CACNA1C: variants seen among roughly 807,000 people sequenced by gnomAD.
CACNA1C encodes calcium voltage-gated channel subunit alpha1 C, also known as voltage-dependent L-type calcium channel subunit alpha-1C.
A neutral mutation model predicts 229.0 loss-of-function variants in CACNA1C; 30 were observed. The ratio of observed to expected loss-of-function variants is 0.13; its 90% CI spans 0.10 to 0.18. CACNA1C has a LOEUF of 0.18. Among genes scored for constraint, CACNA1C ranks in the 10% least tolerant of loss-of-function variants. The pLI is 1.00. For synonymous variants in CACNA1C, 1,114 were observed against 1,132.5 expected, an observed-to-expected ratio of 0.98 and a Z score of 0.33; for missense variants, 1,658 against 2,845.0, an observed-to-expected ratio of 0.58 and a Z score of 9.49.
At chr12:2,517,341 C>G (rs2099799182) in intron 9 of CACNA1C, among the ~76,000 whole-genome samples, 1 of 152,236 alleles carries the variant, frequency 6.6e-6, no homozygotes, top group Non-Finnish European at 1.5e-5. Flanking sequence ...GAGACTCACA[C>G]AGACTCTAGC....
At chr12:2,327,702 A>G (rs3819534) in intron 3 of CACNA1C, among the ~76,000 whole-genome samples, 86,624 of 151,774 alleles carry the variant, frequency 0.57, 25,007 homozygotes, top group Non-Finnish European at 0.61. Flanking sequence ...GATGGAGTTG[A>G]GGGTTGATGC....
chr12:2,209,811 C>T (rs2097863037), intron 3 of CACNA1C, among the ~76,000 whole-genome samples: 1 of 152,172 alleles, frequency 6.6e-6, no homozygotes, highest in Non-Finnish European at 1.5e-5. Flanking sequence ...TCCTCAAGAG[C>T]CAAGATCCAT....
chr12:2,046,294 C>T (rs772204070), intron 1 of CACNA1C, among the ~76,000 whole-genome samples: 63 of 152,120 alleles, frequency 4.1e-4, no homozygotes, highest in Non-Finnish European at 2.8e-4. Flanking sequence ...GTGGTTCCTT[C>T]TGGGGGTCAG....
At chr12:2,089,945 C>T (rs903627777) in intron 1 of CACNA1C, among the ~76,000 whole-genome samples, 4 of 152,102 alleles carry the variant, frequency 2.6e-5, no homozygotes, top group South Asian at 2.1e-4. Flanking sequence ...AGGAGAATGG[C>T]GTGAACCCGG....
At chr12:2,571,093 C>A (rs903605856) in intron 13 of CACNA1C, among the ~76,000 whole-genome samples, 2 of 152,212 alleles carry the variant, frequency 1.3e-5, no homozygotes, top group Admixed American at 1.3e-4. Context: ...CAAGTACCTA[C>A]ATGAGGATGA....
chr12:1,984,781 A>C (rs1428433921), intron 1 of CACNA1C, among the ~76,000 whole-genome samples: 1 of 148,892 alleles, frequency 6.7e-6, no homozygotes, highest in African/African-American at 2.4e-5. Context: ...CTTCTGGTAA[A>C]AAAAAAAAAA....
rs560933454 is a variant in CACNA1C, at chr12:2,611,719, G to A, written c.3718-184G>A. Among the ~76,000 whole-genome samples the A allele has an allele frequency of 3.3e-5, 5 of 152,228 alleles. No individual in the cohort carries two copies. In the East Asian group the frequency reaches 9.7e-4, roughly 29 times the overall value. On this transcript the variant is annotated intron_variant, in intron 28 of 46. Transcript: ENST00000399655. ...GATGTGTTCAGAGATGGCAGAGCAG[G>A]GAAGATCTTGGAGGTTCTCCTGAGT...
intron 29 of CACNA1C, among the ~76,000 whole-genome samples, chr12:2,618,374 C>T (rs936182740): frequency 1.2e-4 from 18 of 152,214 alleles, no homozygotes; most frequent in African/African-American, 3.1e-4. Context: ...GGCAAGTGGA[C>T]GGCACACCAA....
intron 1 of CACNA1C, chr12:1,997,849 C>A: frequency 9.3e-7 from 1 of 1,075,708 alleles, no homozygotes; most frequent in Admixed American, 2.4e-5. Flanking sequence ...TGAAATAAAA[C>A]TGCATGCACT....
chr12:2,536,426 G>A (rs2099855522), intron 9 of CACNA1C, among the ~76,000 whole-genome samples: 1 of 152,160 alleles, frequency 6.6e-6, no homozygotes, highest in Admixed American at 6.5e-5. Flanking sequence ...GAGTGAGAAA[G>A]GGAGGCAGCA....
chr12:2,463,887 G>A (rs911611084), intron 5 of CACNA1C, among the ~76,000 whole-genome samples: 16 of 152,204 alleles, frequency 1.1e-4, no homozygotes, highest in African/African-American at 3.9e-4. Context: ...GTGCTGTGGA[G>A]CATGCGTATT....
At chr12:2,085,567 T>C (rs1470723711) in intron 1 of CACNA1C, among the ~76,000 whole-genome samples, 1 of 152,078 alleles carries the variant, frequency 6.6e-6, no homozygotes, top group African/African-American at 2.4e-5. Flanking sequence ...TTGAGTGGGG[T>C]AATTATAAAT....
chr12:2,504,590 C>T lies in CACNA1C; in HGVS notation c.1114-252C>T, dbSNP rs1327834032. 3 of 1,111,446 alleles carry T rather than the reference C, an allele frequency of 2.7e-6. No individual in the cohort carries two copies. Among genetic ancestry groups the T allele is most frequent in the Non-Finnish European group, 4.2e-6 (3 of 722,314 alleles). The allele number at this position is 1,111,446 out of a possible 1,614,324, so 68.8% of individuals were successfully genotyped here. On this transcript the variant is annotated intron_variant, in intron 7 of 46. Coordinates refer to ENST00000399655, the MANE Select transcript of CACNA1C (RefSeq NM_000719.7). This position sits in a 1 kb window ranked among gnomAD's most constrained non-coding sequence, Gnocchi z 6.8. ...TCCACAACGCAGCCGAGCAAGGTCTCAGGTTCCACTCCGTACATGCCCGGG... is the reference window on the plus strand; with the variant it reads ...TCCACAACGCAGCCGAGCAAGGTCTTAGGTTCCACTCCGTACATGCCCGGG...
chr12:2,659,626 G>T (rs1282814259), intron 34 of CACNA1C, among the ~76,000 whole-genome samples: 1 of 152,116 alleles, frequency 6.6e-6, no homozygotes, highest in African/African-American at 2.4e-5. Context: ...TATCTAAAAA[G>T]CTGTATATTA....
intron 9 of CACNA1C, among the ~76,000 whole-genome samples, chr12:2,513,948 G>A (rs542254481): frequency 3.3e-5 from 5 of 152,242 alleles, no homozygotes; most frequent in East Asian, 1.9e-4. Context: ...TCTGTGACTC[G>A]AATCATACTC....
intron 7 of CACNA1C, among the ~76,000 whole-genome samples, chr12:2,495,679 C>G (rs925080775): frequency 1.3e-5 from 2 of 152,200 alleles, no homozygotes; most frequent in African/African-American, 4.8e-5. Context: ...TGATAGTGCT[C>G]AGGCTGGGAA....
At chr12:2,236,770 C>T (rs532009583) in intron 3 of CACNA1C, among the ~76,000 whole-genome samples, 8 of 152,226 alleles carry the variant, frequency 5.3e-5, no homozygotes, top group African/African-American at 9.6e-5. Flanking sequence ...TGAGCAGAGG[C>T]GATAGTTGAA....
intron 10 of CACNA1C, among the ~76,000 whole-genome samples, chr12:2,550,371 T>C (rs2099896360): frequency 6.6e-6 from 1 of 152,152 alleles, no homozygotes; most frequent in African/African-American, 2.4e-5. Flanking sequence ...TTTCTTTCAC[T>C]CCAGTCCCTT....
At chr12:2,637,976 C>T (rs534645054) in intron 30 of CACNA1C, among the ~76,000 whole-genome samples, 7 of 152,282 alleles carry the variant, frequency 4.6e-5, no homozygotes, top group African/African-American at 1.7e-4. Flanking sequence ...GCTATGGGGC[C>T]CTCCCTCTCA....
Sources: allele counts gnomAD v4.1 joint callset (sites outside exome capture counted in the v4.1 genomes callset), GRCh38; gene constraint gnomAD v4.1.1; non-coding constraint Gnocchi (gnomAD v3.1); transcripts MANE v1.5; gene names NCBI Gene and HGNC (gene_info 2026-07-23, HGNC 2026-07-21).